Variants in ZNF492 observed in about 807,000 individuals in gnomAD.
ZNF492 encodes zinc finger protein 492.
In ZNF492, 3 loss-of-function variants were observed where a neutral mutation model predicts 6.4. The observed-to-expected ratio is 0.47, with a 90% CI of 0.21 to 1.22. The LOEUF (loss-of-function observed/expected upper bound fraction) is 1.22, where lower values mean the gene tolerates loss of function less well. ZNF492 is among the 50% of genes most tolerant of loss of function. The pLI is 0.22. For synonymous variants in ZNF492, 112 were observed against 205.3 expected (o/e 0.55, Z 3.89); for missense variants, 356 against 612.5 (o/e 0.58, Z 4.42).
At chr19:22,647,770 C>T (rs1221903530) in intron 1 of ZNF492, among the ~76,000 whole-genome samples, 3 of 130,352 alleles carry the variant, frequency 2.3e-5, no homozygotes, top group Admixed American at 1.7e-4. Context: ...CACTCTGTCA[C>T]CCAAGCTGGA....
chr19:22,665,561 C>A lies in ZNF492; in HGVS notation c.*296C>A, dbSNP rs1568358778. On this transcript the variant is annotated 3_prime_UTR_variant, in exon 4 of 4. Transcript: ENST00000456783. ...GTTCAAAAAATAAGCATTTAAAGTG[C>A]TGAAGAGGATTTATTTTGAAGACAA... The A allele has an allele frequency of 5.5e-6, 2 of 362,492 alleles. No homozygotes were observed. The highest frequency in any genetic ancestry group is 9.6e-6 in the Non-Finnish European group (2 of 209,040). 22.5% of individuals were successfully genotyped at this position (362,492 alleles called of 1,614,324 possible). A position where few individuals can be genotyped will look rare whatever the true frequency, so the allele number is the denominator to read the frequency against.
chr19:22,637,989 T>A (rs191659210), intron 1 of ZNF492, among the ~76,000 whole-genome samples: 195 of 152,358 alleles, frequency 1.3e-3, no homozygotes, highest in African/African-American at 4.3e-3. Context: ...GCATTTTTTT[T>A]ATGCTCGTTA....
chr19:22,636,555 T>C (rs879282751), intron 1 of ZNF492, among the ~76,000 whole-genome samples: 2 of 151,964 alleles, frequency 1.3e-5, no homozygotes, highest in Non-Finnish European at 2.9e-5. Context: ...TTTGTGTGTG[T>C]GCGTGTGTGT....
intron 1 of ZNF492, 131 bp from the exon 2 acceptor site, chr19:22,653,176 T>A (rs969818900): frequency 9.5e-7 from 1 of 1,047,502 alleles, no homozygotes; most frequent in African/African-American, 1.7e-5. Flanking sequence ...CTGAAAGTTA[T>A]TTATTAAATA....
At chr19:22,655,920 G>T (rs1971992615) in intron 3 of ZNF492, among the ~76,000 whole-genome samples, 1 of 140,200 alleles carries the variant, frequency 7.1e-6, no homozygotes, top group Admixed American at 7.3e-5. Flanking sequence ...CACCTCCCAG[G>T]TTCAAGTGAT....
chr19:22,634,347 G>C lies in ZNF492; in HGVS notation c.-221G>C, dbSNP rs879058088. 1.9e-6 allele frequency: 2 copies of C among 1,045,676 alleles called. No individual in the cohort carries two copies. The highest frequency in any genetic ancestry group is 2.6e-5 in the South Asian group (2 of 76,334). The allele number at this position is 1,045,676 out of a possible 1,614,324, so 64.8% of individuals were successfully genotyped here. On this transcript the variant is annotated 5_prime_UTR_variant, in exon 1 of 4. Coordinates refer to ENST00000456783, the MANE Select transcript of ZNF492 (RefSeq NM_020855.3). ...GGGTCTTTGTCTCTCGCTGCAGTCG[G>C]AGTATGGTCTAGTGTTCGCTGTTCT... is the stretch of plus-strand genomic sequence containing the variant.
At chr19:22,653,539 TG>T in intron 2 of ZNF492, 106 bp downstream of exon 2, 18 of 1,433,068 alleles carry the variant, frequency 1.3e-5, no homozygotes, top group Admixed American at 2.3e-5. Flanking sequence ...CTCTGTTTTT[TG>T]TTTTTAACTT....
chr19:22,664,905 G>T lies in ZNF492; in HGVS notation c.1236G>T (p.Lys412Asn), dbSNP rs750580733. The T allele has an allele frequency of 6.2e-7, 1 of 1,610,334 alleles. No individual in the cohort carries two copies. The highest frequency in any genetic ancestry group is 8.5e-7 in the Non-Finnish European group (1 of 1,177,654). Residue 412 changes from lysine to asparagine, a missense_variant, in exon 4 of 4, where the codon AAG becomes AAT. Physicochemically the swap from Lys to Asn is moderately conservative, Grantham distance 94. Coordinates refer to ENST00000456783, the MANE Select transcript of ZNF492 (RefSeq NM_020855.3). ...TATCGTCACAACTTACTACACATAA[G>T]ATAATTCATACTGGAGAGAAACCCT... ...FNLSSQLTTH[K>N]IIHTGEKPYK... is the part of the protein sequence containing the mutation.
rs961716744 is a variant in ZNF492, at chr19:22,666,679, G to T, written c.*1414G>T. On this transcript the variant is annotated 3_prime_UTR_variant, in exon 4 of 4. Transcript: ENST00000456783. ...CTTACAGTACTGAGTGATGCATGAG[G>T]TAGGTGTTCTGAGTAATATTCTGCA... 2.0e-5 allele frequency: 3 copies of T among 152,106 alleles called. No individual in the cohort carries two copies. The highest frequency in any genetic ancestry group is 4.4e-5 in the Non-Finnish European group (3 of 68,030). 9.4% of individuals were successfully genotyped at this position (152,106 alleles called of 1,614,324 possible). A position where few individuals can be genotyped will look rare whatever the true frequency, so the allele number is the denominator to read the frequency against.
intron 1 of ZNF492, among the ~76,000 whole-genome samples, chr19:22,646,159 G>A: frequency 6.6e-6 from 1 of 152,128 alleles, no homozygotes; most frequent in East Asian, 1.9e-4. Context: ...ATAAGGATGG[G>A]ATGTTTTTCC....
chr19:22,640,708 TTG>T (rs1164215037), intron 1 of ZNF492, among the ~76,000 whole-genome samples: 2 of 152,236 alleles, frequency 1.3e-5, no homozygotes, highest in Non-Finnish European at 2.9e-5. Context: ...CAGCTGTCCT[TTG>T]TCCATCTACT....
chr19:22,654,085 C>G (rs1297215057), intron 3 of ZNF492, 70 bp downstream of exon 3: 116 of 1,323,398 alleles, frequency 8.8e-5, no homozygotes, highest in Non-Finnish European at 1.1e-4. Flanking sequence ...AAAAAAAAAG[C>G]CAGTCCTTAA....
At chr19:22,659,653 GGT>G (rs1491525584) in intron 3 of ZNF492, among the ~76,000 whole-genome samples, 33 of 138,288 alleles carry the variant, frequency 2.4e-4, no homozygotes, top group Admixed American at 3.0e-4. Flanking sequence ...AATCTGAAGT[GGT>G]TTTTTTTTGT....
intron 1 of ZNF492, among the ~76,000 whole-genome samples, chr19:22,641,121 T>C (rs1354583314): frequency 6.6e-6 from 1 of 152,206 alleles, no homozygotes; most frequent in African/African-American, 2.4e-5. Context: ...GAAATGATTT[T>C]GGTTATTTCT....
In ZNF492 at chr19:22,666,019, A is replaced by G. The variant is rs1323528329; in HGVS notation, c.*754A>G. On this transcript the variant is annotated 3_prime_UTR_variant, in exon 4 of 4. Transcript: ENST00000456783. ...AGAGTAGAAGATTTTTTGGAGAGTT[A>G]CAAGTATACTTTTTTTTAGAAAGAT... 2.0e-5 allele frequency: 3 copies of G among 151,612 alleles called. No individual in the cohort carries two copies. The highest frequency in any genetic ancestry group is 7.3e-5 in the African/African-American group (3 of 41,120). The allele number at this position is 151,612 out of a possible 1,614,324, so 9.4% of individuals were successfully genotyped here.
chr19:22,638,060 G>C (rs914393617), intron 1 of ZNF492, among the ~76,000 whole-genome samples: 15 of 151,842 alleles, frequency 9.9e-5, no homozygotes, highest in African/African-American at 1.5e-4. Context: ...TACTTTTTAG[G>C]TCTTTTTTTT....
At position 22,664,900 on chromosome 19, in the gene ZNF492, CATAAG is replaced by C; in HGVS notation, c.1236_1240del (p.Lys412AsnfsTer11). 6.2e-7 allele frequency: 1 copy of C among 1,610,376 alleles called. No homozygotes were observed. Among genetic ancestry groups the C allele is most frequent in the South Asian group, 1.1e-5 (1 of 90,910 alleles). ...TAACCTATCGTCACAACTTACTACA[CATAAG>C]ATAATTCATACTGGAGAGAAACCCT... On this transcript the variant is annotated frameshift_variant, in exon 4 of 4. Transcript: ENST00000456783. LOFTEE classifies it low-confidence loss of function (END_TRUNC).
chr19:22,659,561 T>TATACACACAC (rs1555725601), intron 3 of ZNF492, among the ~76,000 whole-genome samples: 25 of 138,790 alleles, frequency 1.8e-4, no homozygotes, highest in Admixed American at 8.0e-4. Context: ...TAATGTGAGA[T>TATACACACAC]ACACACACAC....
chr19:22,639,538 C>T (rs966260960), intron 1 of ZNF492, among the ~76,000 whole-genome samples: 1 of 151,642 alleles, frequency 6.6e-6, no homozygotes, highest in Non-Finnish European at 1.5e-5. Flanking sequence ...TGGAGAAACC[C>T]CGTCTCTACT....
Sources: allele counts gnomAD v4.1 joint callset (sites outside exome capture counted in the v4.1 genomes callset), GRCh38; gene constraint gnomAD v4.1.1; transcripts MANE v1.5; gene names NCBI Gene and HGNC (gene_info 2026-07-23, HGNC 2026-07-21).